Variants in BCL2L13 observed in about 807,000 individuals in gnomAD.
BCL2L13 encodes bcl-2-like protein 13.
Under a neutral mutation model 25.8 loss-of-function variants are expected in BCL2L13, and 13 were observed. The ratio of observed to expected loss-of-function variants is 0.50; its 90% CI spans 0.33 to 0.80. BCL2L13 has a LOEUF of 0.80. Ranked by LOEUF, BCL2L13 falls within the 30% of genes least tolerant of loss-of-function variation. The probability of loss-of-function intolerance (pLI) is 0.02; values close to 1 mark genes in which losing one functional copy is unlikely to be tolerated. For missense variants in BCL2L13, 504 were observed against 574.9 expected (o/e 0.88, Z 1.26); for synonymous variants, 244 against 230.3 (o/e 1.06, Z -0.54).
chr22:17,650,156 C>T (rs2058634223), intron 1 of BCL2L13, among the ~76,000 whole-genome samples: 1 of 152,120 alleles, frequency 6.6e-6, no homozygotes, highest in African/African-American at 2.4e-5. Flanking sequence ...AGGCATGAGC[C>T]ACTGCGCCCG....
At chr22:17,639,158 C>T (rs940521249) in intron 1 of BCL2L13, among the ~76,000 whole-genome samples, 1 of 152,216 alleles carries the variant, frequency 6.6e-6, no homozygotes, top group African/African-American at 2.4e-5. Context: ...GGAGCTCGGC[C>T]CTGGCTCCAC....
intron 6 of BCL2L13, among the ~76,000 whole-genome samples, chr22:17,711,565 T>G (rs1329328745): frequency 6.6e-6 from 1 of 152,198 alleles, no homozygotes; most frequent in Non-Finnish European, 1.5e-5. Context: ...CCCAGAGTGC[T>G]AAGGTTACAG....
In BCL2L13 at chr22:17,655,686, T is replaced by A; in HGVS notation, c.-26T>A. On this transcript the variant is annotated 5_prime_UTR_variant, in exon 2 of 7. Coordinates refer to ENST00000317582, the MANE Select transcript of BCL2L13 (RefSeq NM_015367.4). ...GGTTTTACACATCCATAAGTAGACCTTTTTGGAGCCTCACCAGCCAATTCA... is the reference window on the plus strand; with the variant it reads ...GGTTTTACACATCCATAAGTAGACCATTTTGGAGCCTCACCAGCCAATTCA... 2 of 1,604,998 alleles carry A rather than the reference T, an allele frequency of 1.2e-6. No individual in the cohort carries two copies. The highest frequency in any genetic ancestry group is 1.7e-6 in the Non-Finnish European group (2 of 1,176,590).
intron 6 of BCL2L13, among the ~76,000 whole-genome samples, chr22:17,709,498 G>C (rs1192477284): frequency 1.3e-5 from 2 of 152,206 alleles, no homozygotes; most frequent in Non-Finnish European, 2.9e-5. Flanking sequence ...GGGAGGCTGA[G>C]GCAGGAGAAT....
intron 4 of BCL2L13, among the ~76,000 whole-genome samples, chr22:17,693,383 T>G (rs1472720402): frequency 4.6e-5 from 6 of 129,572 alleles, no homozygotes; most frequent in East Asian, 2.2e-4. Flanking sequence ...TTTTTTTTTT[T>G]TTTTTTTTTT....
chr22:17,674,578 C>A (rs987048619), intron 2 of BCL2L13, among the ~76,000 whole-genome samples: 5 of 145,650 alleles, frequency 3.4e-5, no homozygotes, highest in Middle Eastern at 3.5e-3. Flanking sequence ...TGCACTCCAG[C>A]CTGGGCAACC....
intron 2 of BCL2L13, among the ~76,000 whole-genome samples, chr22:17,681,713 C>A (rs1312554624): frequency 6.6e-6 from 1 of 152,026 alleles, no homozygotes; most frequent in African/African-American, 2.4e-5. Context: ...TAGAGGCAGG[C>A]TTGGACTTTG....
At position 17,727,125 on chromosome 22, in the gene BCL2L13, C is replaced by T. The variant is rs1421906874; in HGVS notation, c.1049C>T (p.Thr350Ile). The T allele has an allele frequency of 6.2e-7, 1 of 1,614,232 alleles. No homozygotes were observed. The highest frequency in any genetic ancestry group is 8.5e-7 in the Non-Finnish European group (1 of 1,180,046). Residue 350 changes from threonine to isoleucine, a missense_variant, in exon 7 of 7, where the codon ACT becomes ATT. Physicochemically the swap from Thr to Ile is moderately conservative, Grantham distance 89. Transcript: ENST00000317582. ...EAPAPLLPHI[T>I]ATSLLGTREP... is the part of the protein sequence containing the mutation. ...CCAGCTCCCTTGCTTCCACATATCA[C>T]TGCCACCTCCCTGCTGGGGACAAGG...
chr22:17,727,709 AT>A lies in BCL2L13; in HGVS notation c.*177del. On this transcript the variant is annotated 3_prime_UTR_variant, in exon 7 of 7. Transcript: ENST00000317582. ...TTAGGGCTTGAGGTGGGGCATTCAC[AT>A]TCATCTGACTGTAAATCCCAAGGGC... The A allele has an allele frequency of 1.2e-6, 1 of 814,134 alleles. No individual in the cohort carries two copies. The highest frequency in any genetic ancestry group is 1.9e-6 in the Non-Finnish European group (1 of 530,822). 50.4% of individuals were successfully genotyped at this position (814,134 alleles called of 1,614,324 possible).
intron 4 of BCL2L13, among the ~76,000 whole-genome samples, chr22:17,690,338 T>A (rs2535702): frequency 0.16 from 24,719 of 151,850 alleles, 2,540 homozygotes; most frequent in Non-Finnish European, 0.23. Flanking sequence ...AGAAAAAAAT[T>A]TTTTTTTTAT....
chr22:17,670,663 C>T (rs1212749580), intron 2 of BCL2L13, among the ~76,000 whole-genome samples: 2 of 152,172 alleles, frequency 1.3e-5, no homozygotes, highest in Non-Finnish European at 2.9e-5. Flanking sequence ...CTGCGCCCGG[C>T]TTACATCAGC....
chr22:17,696,191 A>C lies in BCL2L13; in HGVS notation c.437A>C (p.His146Pro), dbSNP rs777795412. 3 of 1,613,972 alleles carry C rather than the reference A, an allele frequency of 1.9e-6. No homozygotes were observed. Among genetic ancestry groups the C allele is most frequent in the Non-Finnish European group, 2.5e-6 (3 of 1,179,818 alleles). The change falls in exon 5 of 7, where the codon CAT becomes CCT. Residue 146 changes from histidine (H) to proline (P), a missense_variant. Transcript: ENST00000317582. The stretch of plus-strand genomic sequence containing the variant: ...GAATGTACACTGGAGACCACAGTTC[A>C]TGCCAGCGGCTGGAATAAGGTATCA... ...FRECTLETTV[H>P]ASGWNKILVP...
chr22:17,694,802 A>G (rs1462164776), intron 4 of BCL2L13, among the ~76,000 whole-genome samples: 1 of 152,190 alleles, frequency 6.6e-6, no homozygotes, highest in African/African-American at 2.4e-5. Flanking sequence ...CTGATTTCAA[A>G]ATGTTAAAAT....
chr22:17,708,723 C>G (rs989736852), intron 6 of BCL2L13, among the ~76,000 whole-genome samples: 2 of 152,074 alleles, frequency 1.3e-5, no homozygotes, highest in African/African-American at 4.8e-5. Flanking sequence ...TTTGAGCCCT[C>G]GAAATTACTC....
At chr22:17,640,109 C>G (rs372728162) in intron 1 of BCL2L13, among the ~76,000 whole-genome samples, 1 of 152,210 alleles carries the variant, frequency 6.6e-6, no homozygotes, top group East Asian at 1.9e-4. Context: ...CCGCCTCAGC[C>G]TCCCAAAGTG....
chr22:17,642,112 T>C (rs1366632453), intron 1 of BCL2L13, among the ~76,000 whole-genome samples: 3 of 149,772 alleles, frequency 2.0e-5, no homozygotes, highest in Non-Finnish European at 4.4e-5. Context: ...ATGTGGTCTT[T>C]TGTGTCTGGC....
chr22:17,666,938 G>C (rs1021528835), intron 2 of BCL2L13, among the ~76,000 whole-genome samples: 1 of 152,052 alleles, frequency 6.6e-6, no homozygotes, highest in Non-Finnish European at 1.5e-5. Flanking sequence ...TCCTGCCTCA[G>C]CCTCCCAAAG....
intron 6 of BCL2L13, among the ~76,000 whole-genome samples, chr22:17,712,080 T>G (rs1569003613): frequency 6.6e-6 from 1 of 152,052 alleles, no homozygotes; most frequent in Non-Finnish European, 1.5e-5. Flanking sequence ...AAGAGTACAC[T>G]GTTTTAAGCC....
At chr22:17,711,366 C>T (rs766846122) in intron 6 of BCL2L13, among the ~76,000 whole-genome samples, 36 of 145,554 alleles carry the variant, frequency 2.5e-4, no homozygotes, top group Non-Finnish European at 3.3e-4. Context: ...GGCACAATCT[C>T]GGCTCACTGC....
Sources: gnomAD v4.1 joint callset for allele counts (sites outside exome capture counted in the v4.1 genomes callset) on GRCh38, gnomAD v4.1.1 for gene constraint, MANE v1.5 for transcripts, NCBI Gene and HGNC (gene_info 2026-07-23, HGNC 2026-07-21) for gene names.